The following RARS2 variants were observed in gnomAD, a reference collection of about 807,000 sequenced individuals.
The protein encoded by RARS2 is probable arginine--tRNA ligase, mitochondrial.
Under a neutral mutation model 88.5 loss-of-function variants are expected in RARS2, and 67 were observed. That is an observed-to-expected ratio of 0.76 (90% confidence interval 0.62 to 0.93). RARS2 has a LOEUF of 0.93. Among genes scored for constraint, RARS2 ranks in the 40% least tolerant of loss-of-function variants. The pLI is 0.00. For missense variants in RARS2, 664 were observed against 684.2 expected (o/e 0.97, Z 0.33); for synonymous variants, 239 against 230.3 (o/e 1.04, Z -0.34).
chr6:87,542,090 G>C, intron 7 of RARS2, 96 bp from the exon 8 acceptor site: 1 of 889,444 alleles, frequency 1.1e-6, no homozygotes. Context: ...AGACCAACCT[G>C]TCATATTATG....
At chr6:87,581,947 G>A (rs1310289099) in intron 1 of RARS2, among the ~76,000 whole-genome samples, 1 of 152,078 alleles carries the variant, frequency 6.6e-6, no homozygotes, top group African/African-American at 2.4e-5. Context: ...CCTTTTTACG[G>A]TTGCACAGTA....
chr6:87,579,716 T>G (rs1403699050), intron 1 of RARS2, among the ~76,000 whole-genome samples: 4 of 29,806 alleles, frequency 1.3e-4, no homozygotes, highest in South Asian at 1.1e-3. Flanking sequence ...ATAGAGCATG[T>G]TTTTTTTTTT....
intron 1 of RARS2, among the ~76,000 whole-genome samples, chr6:87,574,732 A>G (rs1770850752): frequency 6.6e-6 from 1 of 152,234 alleles, no homozygotes; most frequent in Non-Finnish European, 1.5e-5. Context: ...ACTTACTGAG[A>G]ATGTGAATAA....
intron 1 of RARS2, among the ~76,000 whole-genome samples, chr6:87,586,656 C>T (rs1032177737): frequency 2.6e-5 from 4 of 152,168 alleles, no homozygotes; most frequent in East Asian, 1.9e-4. Flanking sequence ...AGAAAACTGT[C>T]GACTAATTAA....
At chr6:87,587,892 T>G (rs1432343692) in intron 1 of RARS2, among the ~76,000 whole-genome samples, 1 of 152,190 alleles carries the variant, frequency 6.6e-6, no homozygotes, top group Non-Finnish European at 1.5e-5. Flanking sequence ...CACCTCAGCT[T>G]CCCAAGCAGC....
At chr6:87,558,253 G>C (rs1314283595) in intron 4 of RARS2, among the ~76,000 whole-genome samples, 1 of 151,280 alleles carries the variant, frequency 6.6e-6, no homozygotes, top group Non-Finnish European at 1.5e-5. Context: ...ATGCTTTTCA[G>C]GCATTTCACA....
chr6:87,586,011 G>A (rs75878224), intron 1 of RARS2, among the ~76,000 whole-genome samples: 2 of 152,332 alleles, frequency 1.3e-5, no homozygotes, highest in African/African-American at 4.8e-5. Flanking sequence ...ATGAATGGAA[G>A]TTGAAGAAGT....
At chr6:87,561,326 T>C (rs1787789806) in intron 4 of RARS2, among the ~76,000 whole-genome samples, 1 of 152,212 alleles carries the variant, frequency 6.6e-6, no homozygotes, top group Non-Finnish European at 1.5e-5. Flanking sequence ...ATCTTCATGT[T>C]ACTGGCATTT....
rs751019907 is a variant in RARS2 at position 87,518,750 on chromosome 6, A to G, written c.1306-11T>C. The G allele has an allele frequency of 2.7e-5, 44 of 1,613,324 alleles. No homozygotes were observed. In the South Asian group the frequency reaches 4.6e-4, roughly 17 times the overall value. ...TAAACCTTTGAAGTCCTAAAACGAC[A>G]GAGGAAATCTTCACTGCTGGGATTT... On this transcript the variant is annotated splice_polypyrimidine_tract_variant and intron_variant, in intron 15 of 19. Transcript: ENST00000369536.
intron 5 of RARS2, among the ~76,000 whole-genome samples, chr6:87,549,907 G>C (rs1490695424): frequency 6.6e-6 from 1 of 152,144 alleles, no homozygotes; most frequent in Non-Finnish European, 1.5e-5. Flanking sequence ...ACTGTTCCCT[G>C]TTTTGTGCAT....
At position 87,569,521 on chromosome 6, in the gene RARS2, T is replaced by C; in HGVS notation, c.106A>G (p.Lys36Glu). 1 of 1,590,076 alleles carries C rather than the reference T, an allele frequency of 6.3e-7. No individual in the cohort carries two copies. The change falls in exon 2 of 20, where the codon AAA becomes GAA. Residue 36 changes from lysine to glutamate, a missense_variant. Physicochemically the swap from Lys to Glu is moderately conservative, Grantham distance 56. Coordinates refer to ENST00000369536, the MANE Select transcript of RARS2 (RefSeq NM_020320.5). ...TSISAVPISQ[K>E]EEVADFQLSV... is the part of the protein sequence containing the mutation. Reference sequence around the variant, plus strand: ...TACAAGTGTATTATACTTAACTCTTTTTGGGAAATTGGAACTGCAGATATT... The same window carrying C: ...TACAAGTGTATTATACTTAACTCTTCTTGGGAAATTGGAACTGCAGATATT...
At position 87,545,640 on chromosome 6, in the gene RARS2, G is replaced by A. The variant is rs1562153038; in HGVS notation, c.511C>T (p.Leu171Phe). 2 of 1,613,654 alleles carry A rather than the reference G, an allele frequency of 1.2e-6. No homozygotes were observed. The highest frequency in any genetic ancestry group is 1.7e-6 in the Non-Finnish European group (2 of 1,179,876). Residue 171 changes from leucine (L) to phenylalanine (F), a missense_variant, in exon 7 of 20, where the codon CTT becomes TTT. By Grantham distance (22) the Leu-to-Phe change is conservative. Transcript: ENST00000369536. The part of the protein sequence containing the change: ...LGHQVIRINY[L>F]GDWGMQFGLL... The stretch of plus-strand genomic sequence containing the variant: ...CCAAACTGCATGCCCCAATCGCCAA[G>A]GTAATTTATTCTTATTACTTGATGT...
chr6:87,563,600 C>G (rs957586227), intron 3 of RARS2, among the ~76,000 whole-genome samples: 1 of 152,216 alleles, frequency 6.6e-6, no homozygotes, highest in South Asian at 2.1e-4. Context: ...GGGAATTACA[C>G]TAACAATTTA....
intron 13 of RARS2, 70 bp from the exon 14 acceptor site, chr6:87,519,777 CAG>C (rs1435914302): frequency 6.3e-7 from 1 of 1,578,700 alleles, no homozygotes; most frequent in Non-Finnish European, 8.7e-7. Context: ...TAATACCTTT[CAG>C]AGAGTGGTTT....
Position 87,569,656 on chromosome 6 carries a change from C to T in RARS2, c.37-66G>A, listed in dbSNP as rs139720819. On this transcript the variant is annotated intron_variant, in intron 1 of 19. Transcript: ENST00000369536. ...ATATTTGTTCCATTCAATGGAATAC[C>T]ACTTGTAAGAATAAACTATTAATAC... The T allele has an allele frequency of 2.6e-4, 314 of 1,224,632 alleles. 2 individuals carry two copies. The East Asian group carries it at 7.3e-3, about 28-fold the overall frequency. The allele number at this position is 1,224,632 out of a possible 1,614,324, so 75.9% of individuals were successfully genotyped here. A position where few individuals can be genotyped will look rare whatever the true frequency, so the allele number is the denominator to read the frequency against.
rs1782353897 is a variant in RARS2, at chr6:87,545,512, T to G, written c.535+104A>C. On this transcript the variant is annotated intron_variant, in intron 7 of 19. Transcript: ENST00000369536. ...AAAAAAAAAAAAAATAGGTAGGACA[T>G]ACTACTTCATCCAATGGGATTCTGC... 3 of 1,405,002 alleles carry G rather than the reference T, an allele frequency of 2.1e-6. No homozygotes were observed. In the South Asian group the frequency reaches 3.7e-5, roughly 17 times the overall value. 87.0% of individuals were successfully genotyped at this position (1,405,002 alleles called of 1,614,324 possible). A position where few individuals can be genotyped will look rare whatever the true frequency, so the allele number is the denominator to read the frequency against.
chr6:87,582,021 G>T (rs546390170), intron 1 of RARS2, among the ~76,000 whole-genome samples: 4 of 152,106 alleles, frequency 2.6e-5, no homozygotes, highest in Non-Finnish European at 5.9e-5. Context: ...GGGCATTTGG[G>T]TTGATTCCAT....
In RARS2 at chr6:87,518,910, G is replaced by T. The variant is rs1252474314; in HGVS notation, c.1238-19C>A. 1.1e-5 allele frequency: 17 copies of T among 1,611,696 alleles called. No homozygotes were observed. The highest frequency in any genetic ancestry group is 1.4e-5 in the Non-Finnish European group (16 of 1,178,044). On this transcript the variant is annotated intron_variant, in intron 14 of 19. Transcript: ENST00000369536. ...TTAGTTGCTGAAACAGACAAAGGCA[G>T]CTATCTTTAGTCTACATGACACTGT...
chr6:87,528,281 T>C (rs894428511), intron 10 of RARS2, among the ~76,000 whole-genome samples: 1 of 148,444 alleles, frequency 6.7e-6, no homozygotes, highest in East Asian at 1.9e-4. Flanking sequence ...GGCAATGATG[T>C]GGATAAAAGG....
Sources: allele counts gnomAD v4.1 joint callset (sites outside exome capture counted in the v4.1 genomes callset), GRCh38; gene constraint gnomAD v4.1.1; transcripts MANE v1.5; gene names NCBI Gene and HGNC (gene_info 2026-07-23, HGNC 2026-07-21).